The following ATP6V1H variants were observed in gnomAD, a reference collection of about 807,000 sequenced individuals.
The protein encoded by ATP6V1H is V-type proton ATPase subunit H.
ATP6V1H carries 39 observed loss-of-function variants against 71.7 expected under a neutral mutation model. The ratio of observed to expected loss-of-function variants is 0.54; its 90% confidence interval spans 0.42 to 0.71. The LOEUF (loss-of-function observed/expected upper bound fraction) is 0.71, where lower values mean the gene tolerates loss of function less well. ATP6V1H is among the 30% of genes least tolerant of loss of function. The probability of loss-of-function intolerance (pLI) is 0.00; values close to 1 mark genes in which losing one functional copy is unlikely to be tolerated. For synonymous variants in ATP6V1H, 192 were observed against 199.3 expected, an observed-to-expected ratio of 0.96 and a Z score of 0.31; for missense variants, 509 against 594.9, an observed-to-expected ratio of 0.86 and a Z score of 1.50.
chr8:53,744,692 A>AAAT (rs1807538427), intron 12 of ATP6V1H, among the ~76,000 whole-genome samples: 1 of 152,200 alleles, frequency 6.6e-6, no homozygotes, highest in Non-Finnish European at 1.5e-5. Flanking sequence ...TTTATTCTTT[A>AAAT]AAGCATGGTT....
At chr8:53,763,348 A>C (rs1300674565) in intron 11 of ATP6V1H, among the ~76,000 whole-genome samples, 1 of 152,248 alleles carries the variant, frequency 6.6e-6, no homozygotes. Context: ...CAATAGCATC[A>C]AAAGGACAAA....
At chr8:53,780,789 T>G (rs1585779247) in intron 9 of ATP6V1H, among the ~76,000 whole-genome samples, 1 of 152,010 alleles carries the variant, frequency 6.6e-6, no homozygotes, top group East Asian at 1.9e-4. Context: ...GAATATGCAG[T>G]GTTTGGTATT....
At chr8:53,840,945 AC>A (rs1300418825) in intron 2 of ATP6V1H, among the ~76,000 whole-genome samples, 1 of 152,228 alleles carries the variant, frequency 6.6e-6, no homozygotes, top group Non-Finnish European at 1.5e-5. Context: ...AAATATTAAT[AC>A]ATACAAGAAA....
At chr8:53,768,564 A>T (rs954050024) in intron 11 of ATP6V1H, among the ~76,000 whole-genome samples, 1 of 152,250 alleles carries the variant, frequency 6.6e-6, no homozygotes, top group Admixed American at 6.5e-5. Context: ...GTGAATAAAT[A>T]AAATGTGGTC....
intron 9 of ATP6V1H, among the ~76,000 whole-genome samples, chr8:53,784,289 T>C (rs1184907154): frequency 1.3e-5 from 2 of 152,244 alleles, no homozygotes; most frequent in African/African-American, 4.8e-5. Flanking sequence ...CCTTTACCAT[T>C]ATGTAATGGC....
At chr8:53,782,874 G>C (rs1809211965) in intron 9 of ATP6V1H, among the ~76,000 whole-genome samples, 1 of 152,180 alleles carries the variant, frequency 6.6e-6, no homozygotes. Context: ...AACCAGCCTT[G>C]CATCCCAGGG....
At chr8:53,780,946 G>A (rs913277273) in intron 9 of ATP6V1H, among the ~76,000 whole-genome samples, 3 of 152,158 alleles carry the variant, frequency 2.0e-5, no homozygotes, top group African/African-American at 7.2e-5. Flanking sequence ...ATCATTGTTG[G>A]ACATCTGGGT....
chr8:53,811,136 G>C lies in ATP6V1H; in HGVS notation c.579+28C>G, dbSNP rs757817362. The C allele has an allele frequency of 1.9e-6, 3 of 1,602,466 alleles. No individual in the cohort carries two copies. In the East Asian group the frequency reaches 6.7e-5, roughly 36 times the overall value. ...ACTCAAAATAATTTATTTTGGGGAT[G>C]TTTAGGCCAGTGAAGGAATATACTT... On this transcript the variant is annotated intron_variant, in intron 7 of 13. Transcript: ENST00000359530.
In ATP6V1H at chr8:53,815,354, T is replaced by C. The variant is rs149446650; in HGVS notation, c.421-588A>G. Among the ~76,000 whole-genome samples, 344 of 152,316 alleles carry C rather than the reference T, an allele frequency of 2.3e-3. 2 individuals carry two copies. The highest frequency in any genetic ancestry group is 7.9e-3 in the African/African-American group (327 of 41,566). On this transcript the variant is annotated intron_variant, in intron 5 of 13. Transcript: ENST00000359530. ...GGCAATATAAAGTACTAGTTCTCCA[T>C]ACACAAACCAATTTAATAAATATTC...
intron 5 of ATP6V1H, among the ~76,000 whole-genome samples, chr8:53,815,730 T>TA (rs1239791934): frequency 6.6e-6 from 1 of 152,208 alleles, no homozygotes; most frequent in Admixed American, 6.5e-5. Flanking sequence ...TGTCACAAAA[T>TA]AGACAACTGA....
chr8:53,743,303 TG>T (rs1333021359), intron 13 of ATP6V1H, among the ~76,000 whole-genome samples: 1 of 152,226 alleles, frequency 6.6e-6, no homozygotes, highest in African/African-American at 2.4e-5. Context: ...CAAAAAGGAC[TG>T]ACTGACTTAT....
At chr8:53,760,997 A>C (rs2130274604) in intron 11 of ATP6V1H, among the ~76,000 whole-genome samples, 1 of 152,266 alleles carries the variant, frequency 6.6e-6, no homozygotes, top group East Asian at 1.9e-4. Flanking sequence ...AAGACAAACA[A>C]ACAATAATTT....
chr8:53,752,003 A>G (rs144419134), intron 12 of ATP6V1H, among the ~76,000 whole-genome samples: 30 of 152,280 alleles, frequency 2.0e-4, no homozygotes, highest in Non-Finnish European at 3.4e-4. Context: ...AGTGACTTTA[A>G]GTGGCATATC....
In ATP6V1H at chr8:53,836,305, A is replaced by G. The variant is rs1400985507; in HGVS notation, c.114-3219T>C. On this transcript the variant is annotated intron_variant, in intron 2 of 13. Coordinates refer to ENST00000359530, the MANE Select transcript of ATP6V1H (RefSeq NM_015941.4). Reference sequence around the variant, plus strand: ...GTCAAAAGGTGGTGGTTTTTCTACCATGAAGAAGGTATACCATGAAGGCTA... The same window carrying G: ...GTCAAAAGGTGGTGGTTTTTCTACCGTGAAGAAGGTATACCATGAAGGCTA... 2.6e-5 allele frequency among the ~76,000 whole-genome samples: 4 copies of G among 152,224 alleles called. No homozygotes were observed. In the East Asian group the frequency reaches 7.7e-4, roughly 29 times the overall value.
intron 4 of ATP6V1H, among the ~76,000 whole-genome samples, chr8:53,825,793 A>G (rs1810807682): frequency 6.6e-6 from 1 of 152,172 alleles, no homozygotes; most frequent in African/African-American, 2.4e-5. Flanking sequence ...GAAACTATAC[A>G]AGCACTAGAA....
At chr8:53,729,312 C>T in intron 13 of ATP6V1H, among the ~76,000 whole-genome samples, 1 of 152,168 alleles carries the variant, frequency 6.6e-6, no homozygotes, top group Non-Finnish European at 1.5e-5. Context: ...TCACTGTGCA[C>T]TGGTTACCAA....
At chr8:53,733,534 C>T (rs1487681749) in intron 13 of ATP6V1H, among the ~76,000 whole-genome samples, 1 of 152,136 alleles carries the variant, frequency 6.6e-6, no homozygotes, top group Non-Finnish European at 1.5e-5. Context: ...TATAAGGTGT[C>T]CAAAAAGAAA....
At chr8:53,809,808 C>T (rs950418881) in intron 7 of ATP6V1H, among the ~76,000 whole-genome samples, 6 of 152,162 alleles carry the variant, frequency 3.9e-5, no homozygotes, top group African/African-American at 1.4e-4. Context: ...AATAAAGATT[C>T]TCAATGTAAA....
In ATP6V1H at chr8:53,835,438, T is replaced by C. The variant is rs528850368; in HGVS notation, c.114-2352A>G. On this transcript the variant is annotated intron_variant, in intron 2 of 13. Coordinates refer to ENST00000359530, the MANE Select transcript of ATP6V1H (RefSeq NM_015941.4). Reference sequence around the variant, plus strand: ...CCAAGAGAAGGGACCTGAACTTGCATATGTCCTACTACTTCTACCCTTAAC... The same window carrying C: ...CCAAGAGAAGGGACCTGAACTTGCACATGTCCTACTACTTCTACCCTTAAC... Among the ~76,000 whole-genome samples the C allele has an allele frequency of 2.6e-5, 4 of 152,300 alleles. No homozygotes were observed. The East Asian group carries it at 7.7e-4, about 29-fold the overall frequency.
Sources: gnomAD v4.1 joint callset for allele counts (sites outside exome capture counted in the v4.1 genomes callset) on GRCh38, gnomAD v4.1.1 for gene constraint, MANE v1.5 for transcripts, NCBI Gene and HGNC (gene_info 2026-07-23, HGNC 2026-07-21) for gene names.